Variants in IPO8 observed in about 807,000 individuals in gnomAD.
The protein encoded by IPO8 is importin-8.
Under a neutral mutation model 141.2 loss-of-function variants are expected in IPO8, and 65 were observed. The observed-to-expected ratio is 0.46, with a 90% confidence interval of 0.38 to 0.57. The LOEUF (loss-of-function observed/expected upper bound fraction) is 0.57, where lower values mean the gene tolerates loss of function less well. IPO8 is among the 20% of genes least tolerant of loss of function. IPO8 has a pLI of 0.00. For missense variants in IPO8, 980 were observed against 1,246.8 expected (o/e 0.79, Z 3.22); for synonymous variants, 411 against 420.3 (o/e 0.98, Z 0.27).
chr12:30,665,660 CTT>C, intron 12 of IPO8, 67 bp downstream of exon 12: 1 of 980,812 alleles, frequency 1.0e-6, no homozygotes, highest in East Asian at 2.4e-5. Context: ...TTAGCCATAA[CTT>C]TCATATTCTC....
chr12:30,687,743 G>A (rs529972136), intron 2 of IPO8, among the ~76,000 whole-genome samples: 1 of 152,194 alleles, frequency 6.6e-6, no homozygotes, highest in East Asian at 1.9e-4. Context: ...CTGATCAGAG[G>A]CATCTTTCTG....
chr12:30,685,750 C>A lies in IPO8; in HGVS notation c.167-1293G>T, dbSNP rs561040071. Among the ~76,000 whole-genome samples, 7 of 151,698 alleles carry A rather than the reference C, an allele frequency of 4.6e-5. No homozygotes were observed. The South Asian group carries it at 1.0e-3, about 23-fold the overall frequency. ...GACCACCCTGGCCAACATGGTGAAA[C>A]CCCGTCTCTACTAAAAATACCAAAA... On this transcript the variant is annotated intron_variant, in intron 2 of 24. Transcript: ENST00000256079.
At chr12:30,693,907 C>T (rs543394547) in intron 1 of IPO8, among the ~76,000 whole-genome samples, 2 of 152,146 alleles carry the variant, frequency 1.3e-5, no homozygotes, top group East Asian at 3.9e-4. Context: ...AACGTGCCTG[C>T]TTTTGTCTGA....
intron 3 of IPO8, 92 bp downstream of exon 3, chr12:30,684,209 A>T: frequency 9.0e-7 from 1 of 1,108,904 alleles, no homozygotes; most frequent in African/African-American, 1.6e-5. Context: ...AGAAAATGAA[A>T]CATGAGGCCA....
intron 1 of IPO8, among the ~76,000 whole-genome samples, chr12:30,691,837 T>C (rs1425943238): frequency 1.3e-5 from 2 of 152,236 alleles, no homozygotes; most frequent in Admixed American, 6.5e-5. Context: ...ATCTTTTTCA[T>C]CCAAGAACAT....
At chr12:30,645,102 G>A (rs1004489981) in intron 20 of IPO8, among the ~76,000 whole-genome samples, 3 of 151,886 alleles carry the variant, frequency 2.0e-5, no homozygotes, top group South Asian at 2.1e-4. Flanking sequence ...GGCCAGGTGC[G>A]GTGGCTCACG....
chr12:30,661,428 G>C (rs1474758494), intron 15 of IPO8, among the ~76,000 whole-genome samples, 162 bp from the exon 16 acceptor site: 1 of 152,056 alleles, frequency 6.6e-6, no homozygotes, highest in South Asian at 2.1e-4. Context: ...TAAAATAACA[G>C]AACTTGTCAT....
chr12:30,684,242 A>G, intron 3 of IPO8, 59 bp downstream of exon 3: 1 of 1,495,670 alleles, frequency 6.7e-7, no homozygotes. Flanking sequence ...AACAGCACCC[A>G]CCCTCAGATC....
chr12:30,687,068 A>G (rs945760087), intron 2 of IPO8, among the ~76,000 whole-genome samples: 1 of 152,196 alleles, frequency 6.6e-6, no homozygotes, highest in African/African-American at 2.4e-5. Flanking sequence ...CTTCCCTTTA[A>G]TCATTTAATT....
rs1181910774 is a variant in IPO8 at position 30,674,814 on chromosome 12, C to T, written c.730-61G>A. 2.8e-6 allele frequency: 3 copies of T among 1,070,100 alleles called. No homozygotes were observed. The Admixed American group carries it at 5.1e-5, about 18-fold the overall frequency. 66.3% of individuals were successfully genotyped at this position (1,070,100 alleles called of 1,614,324 possible). Reference sequence around the variant, plus strand: ...ATAATAAAAGGATTTATGTGAATAACAAAGGCAAGATAAATCTTGATATAG... The same window carrying T: ...ATAATAAAAGGATTTATGTGAATAATAAAGGCAAGATAAATCTTGATATAG... On this transcript the variant is annotated intron_variant, in intron 6 of 24. Transcript: ENST00000256079.
chr12:30,684,176 C>T, intron 3 of IPO8, 125 bp downstream of exon 3: 1 of 716,498 alleles, frequency 1.4e-6, no homozygotes, highest in Non-Finnish European at 2.3e-6. Flanking sequence ...TTTGAGTGTC[C>T]CTCTTTATTA....
intron 16 of IPO8, among the ~76,000 whole-genome samples, chr12:30,658,625 C>T (rs570819971): frequency 8.1e-4 from 123 of 152,236 alleles, no homozygotes; most frequent in Non-Finnish European, 1.1e-3. Flanking sequence ...CATTCTACTA[C>T]GCCCCACACA....
intron 19 of IPO8, 121 bp downstream of exon 19, chr12:30,652,071 A>G: frequency 3.6e-6 from 2 of 548,188 alleles, no homozygotes; most frequent in Admixed American, 7.4e-5. Context: ...ATGAAAAAAT[A>G]TATGTTGATG....
At chr12:30,682,268 T>C (rs909791951) in intron 3 of IPO8, among the ~76,000 whole-genome samples, 2 of 152,152 alleles carry the variant, frequency 1.3e-5, no homozygotes, top group Non-Finnish European at 2.9e-5. Flanking sequence ...GGTGGGAAGC[T>C]TCTCTATGGG....
rs2052880941 is a variant in IPO8, at chr12:30,661,149, G to C, written c.1873C>G (p.His625Asp). The C allele has an allele frequency of 1.0e-5, 16 of 1,532,690 alleles. No individual in the cohort carries two copies. Among genetic ancestry groups the C allele is most frequent in the Non-Finnish European group, 1.3e-5 (15 of 1,140,238 alleles). 94.9% of individuals were successfully genotyped at this position (1,532,690 alleles called of 1,614,324 possible). The stretch of plus-strand genomic sequence containing the variant: ...CCACAAAGAAATCTCACCTCTTTAT[G>C]ATCTTCTACAACTGTTAAGATAGTA... ...IDTILTVVED[H>D]KEITQQLENI... Residue 625 changes from histidine (H) to aspartate (D), a missense_variant, in exon 16 of 25, where the codon CAT (histidine) becomes GAT (aspartate). Transcript: ENST00000256079.
chr12:30,661,407 ATC>A, intron 15 of IPO8, 141 bp from the exon 16 acceptor site: 1 of 571,772 alleles, frequency 1.7e-6, no homozygotes, highest in East Asian at 3.3e-5. Flanking sequence ...TGACTGAATC[ATC>A]TCTCTTCTTA....
At chr12:30,631,793 C>T in intron 24 of IPO8, 102 bp downstream of exon 24, 1 of 693,194 alleles carries the variant, frequency 1.4e-6, no homozygotes, top group South Asian at 1.8e-5. Context: ...AAGTCTCTAA[C>T]AATTTCAAAA....
intron 2 of IPO8, among the ~76,000 whole-genome samples, chr12:30,688,043 G>A (rs959692507): frequency 4.6e-5 from 7 of 151,982 alleles, no homozygotes; most frequent in African/African-American, 1.7e-4. Flanking sequence ...ACTCCAAAAT[G>A]CACTGAAAAA....
intron 20 of IPO8, among the ~76,000 whole-genome samples, chr12:30,646,934 C>A (rs1449403200): frequency 6.6e-6 from 1 of 152,190 alleles, no homozygotes; most frequent in African/African-American, 2.4e-5. Flanking sequence ...ACAATCCCAG[C>A]TGGCTAATTT....
Sources: gnomAD v4.1 joint callset for allele counts (sites outside exome capture counted in the v4.1 genomes callset) on GRCh38, gnomAD v4.1.1 for gene constraint, MANE v1.5 for transcripts, NCBI Gene and HGNC (gene_info 2026-07-23, HGNC 2026-07-21) for gene names.